GNAO1: variants seen among roughly 807,000 people sequenced by gnomAD.
GNAO1 encodes guanine nucleotide-binding protein G(o) subunit alpha.
For synonymous variants in GNAO1, 164 were observed against 180.7 expected (o/e 0.91, Z 0.74); for missense variants, 166 against 478.7 (o/e 0.35, Z 6.10).
chr16:56,344,350 C>T, intron 6 of GNAO1: 1 of 1,052,394 alleles, frequency 9.5e-7, no homozygotes, highest in Non-Finnish European at 1.1e-6. Context: ...CAGCAGGGTG[C>T]TGGCAGGGTG....
intron 2 of GNAO1, among the ~76,000 whole-genome samples, chr16:56,253,792 T>G (rs1435105419): frequency 6.6e-6 from 1 of 152,210 alleles, no homozygotes; most frequent in Non-Finnish European, 1.5e-5. Flanking sequence ...GCTTGTGGGA[T>G]GAAGGGGCCA....
chr16:56,253,681 A>C (rs2036819966), intron 2 of GNAO1, among the ~76,000 whole-genome samples: 1 of 152,214 alleles, frequency 6.6e-6, no homozygotes, highest in Non-Finnish European at 1.5e-5. Context: ...TCTCAAGTTC[A>C]GTCCCTGTGG....
chr16:56,243,773 A>T (rs1218814619), intron 2 of GNAO1, among the ~76,000 whole-genome samples: 1 of 152,158 alleles, frequency 6.6e-6, no homozygotes, highest in Non-Finnish European at 1.5e-5. Flanking sequence ...TAAATTGTAT[A>T]CTCTAAATAG....
At chr16:56,224,889 TC>T (rs1486778041) in intron 2 of GNAO1, among the ~76,000 whole-genome samples, 1 of 152,206 alleles carries the variant, frequency 6.6e-6, no homozygotes, top group East Asian at 1.9e-4. Context: ...CAAACAATCC[TC>T]GTTTCAGGTG....
intron 2 of GNAO1, among the ~76,000 whole-genome samples, chr16:56,206,761 C>G (rs1436394620): frequency 1.3e-5 from 2 of 152,134 alleles, no homozygotes. Flanking sequence ...TTAACAGAAT[C>G]CCTCTGGCCG....
rs147697245 is a variant in GNAO1, at chr16:56,327,864, T to C, written c.304-767T>C. On this transcript the variant is annotated intron_variant, in intron 3 of 8. Coordinates refer to ENST00000262493, the MANE Select transcript of GNAO1 (RefSeq NM_020988.3). ...CATTACCTGTCCTTTCCCATTTCCA[T>C]GTTTCACCTGACCTAGGAGCTTCCC... is the stretch of plus-strand genomic sequence containing the variant. Among the ~76,000 whole-genome samples, 788 of 152,300 alleles carry C rather than the reference T, an allele frequency of 5.2e-3. 7 individuals are homozygous for C. The highest frequency in any genetic ancestry group is 0.018 in the African/African-American group (749 of 41,572).
chr16:56,240,558 C>T (rs1484505969), intron 2 of GNAO1, among the ~76,000 whole-genome samples: 1 of 152,148 alleles, frequency 6.6e-6, no homozygotes, highest in Non-Finnish European at 1.5e-5. Flanking sequence ...GACAGCATTT[C>T]TTCTCTTGTC....
intron 2 of GNAO1, among the ~76,000 whole-genome samples, chr16:56,275,086 G>A (rs1431135465): frequency 6.6e-6 from 1 of 152,256 alleles, no homozygotes; most frequent in East Asian, 1.9e-4. Context: ...ATCTGGGACT[G>A]AAAATATGAC....
chr16:56,289,556 G>A (rs965337663), intron 3 of GNAO1, among the ~76,000 whole-genome samples: 3 of 152,280 alleles, frequency 2.0e-5, no homozygotes, highest in Admixed American at 6.5e-5. Flanking sequence ...GGAGATGAGC[G>A]GCCCCATGCA....
intron 2 of GNAO1, among the ~76,000 whole-genome samples, chr16:56,218,542 C>G (rs1175865219): frequency 2.6e-5 from 4 of 152,156 alleles, no homozygotes; most frequent in African/African-American, 9.7e-5. Flanking sequence ...CGGTGGGCCA[C>G]CAGCACTTGA....
intron 3 of GNAO1, 165 bp downstream of exon 3, chr16:56,276,237 C>A: frequency 1.9e-6 from 1 of 532,916 alleles, no homozygotes; most frequent in Non-Finnish European, 3.1e-6. Context: ...TGCATCCACC[C>A]CTCTGGCAAA....
intron 2 of GNAO1, among the ~76,000 whole-genome samples, chr16:56,197,710 G>A (rs1235129922): frequency 2.0e-5 from 3 of 152,226 alleles, no homozygotes; most frequent in Non-Finnish European, 4.4e-5. Context: ...ACGATGCTCA[G>A]AGTGGGAGTG....
chr16:56,284,416 A>G (rs1381061670), intron 3 of GNAO1, among the ~76,000 whole-genome samples: 1 of 152,226 alleles, frequency 6.6e-6, no homozygotes, highest in Non-Finnish European at 1.5e-5. Context: ...AGACCCGGCT[A>G]CTGGTACTTT....
At chr16:56,262,872 C>T (rs2036916709) in intron 2 of GNAO1, among the ~76,000 whole-genome samples, 1 of 152,192 alleles carries the variant, frequency 6.6e-6, no homozygotes, top group African/African-American at 2.4e-5. Flanking sequence ...GCACATAAGG[C>T]ATTGTGAGGA....
intron 2 of GNAO1, among the ~76,000 whole-genome samples, chr16:56,247,370 A>T (rs560409879): frequency 1.3e-5 from 2 of 152,038 alleles, no homozygotes; most frequent in Non-Finnish European, 2.9e-5. Flanking sequence ...AGCTGTACCC[A>T]ATTTCTCCAC....
intron 2 of GNAO1, among the ~76,000 whole-genome samples, chr16:56,246,456 G>A (rs2036744949): frequency 6.6e-6 from 1 of 152,144 alleles, no homozygotes; most frequent in Non-Finnish European, 1.5e-5. Flanking sequence ...AGGCACTCTG[G>A]CCCCACCATC....
At chr16:56,295,720 C>G (rs1414905415) in intron 3 of GNAO1, among the ~76,000 whole-genome samples, 5 of 152,238 alleles carry the variant, frequency 3.3e-5, no homozygotes, top group African/African-American at 7.2e-5. Context: ...CTTCCCTCTT[C>G]CCAGTGTTCG....
chr16:56,228,085 G>C (rs116618840), intron 2 of GNAO1, among the ~76,000 whole-genome samples: 1,808 of 152,296 alleles, frequency 0.012, 39 homozygotes, highest in African/African-American at 0.042. Flanking sequence ...CTCACCCCAC[G>C]GTTGGCATGA....
chr16:56,268,528 G>T (rs12919492), intron 2 of GNAO1, among the ~76,000 whole-genome samples: 29,419 of 151,976 alleles, frequency 0.19, 3,038 homozygotes, highest in East Asian at 0.38. Context: ...GTCCCTAGTA[G>T]GTTAAACACG....
Sources: allele counts gnomAD v4.1 joint callset (sites outside exome capture counted in the v4.1 genomes callset), GRCh38; gene constraint gnomAD v4.1.1; transcripts MANE v1.5; gene names NCBI Gene and HGNC (gene_info 2026-07-23, HGNC 2026-07-21).